The following LHCGR variants were observed in gnomAD, a reference collection of about 807,000 sequenced individuals.
The protein encoded by LHCGR is luteinizing hormone/choriogonadotropin receptor.
In LHCGR, 55 loss-of-function variants were observed where a neutral mutation model predicts 60.7. The ratio of observed to expected loss-of-function variants is 0.91; its 90% CI spans 0.73 to 1.13. The LOEUF (loss-of-function observed/expected upper bound fraction) is 1.13, where lower values mean the gene tolerates loss of function less well. Among genes scored for constraint, LHCGR ranks in the 50% most tolerant of loss-of-function variants. The pLI is 0.00. For synonymous variants in LHCGR, 337 were observed against 316.5 expected (o/e 1.06, Z -0.69); for missense variants, 862 against 836.0 (o/e 1.03, Z -0.38).
chr2:48,748,948 C>T (rs537512404), intron 1 of LHCGR, among the ~76,000 whole-genome samples: 1 of 152,166 alleles, frequency 6.6e-6, no homozygotes, highest in African/African-American at 2.4e-5. Context: ...GCATTGGACC[C>T]TACCCTGTCA....
intron 6 of LHCGR, among the ~76,000 whole-genome samples, chr2:48,716,426 T>C (rs1668253867): frequency 6.6e-6 from 1 of 152,220 alleles, no homozygotes; most frequent in Admixed American, 6.5e-5. Context: ...TACAGGAGGA[T>C]ATGTTTCTCT....
At chr2:48,699,014 C>T (rs1178339641) in intron 8 of LHCGR, among the ~76,000 whole-genome samples, 3 of 151,928 alleles carry the variant, frequency 2.0e-5, no homozygotes, top group Non-Finnish European at 2.9e-5. Context: ...GCTAAGAGAC[C>T]GGGGTTTCAC....
At position 48,687,497 on chromosome 2, in the gene LHCGR, T is replaced by C. The variant is rs1430745313; in HGVS notation, c.*200A>G. ...TAAACACTCTCAACTTCAGTATTTA[T>C]GCCATGTAACAATGACAAATAGTTT... On this transcript the variant is annotated 3_prime_UTR_variant, in exon 11 of 11. Transcript: ENST00000294954. 6 of 515,580 alleles carry C rather than the reference T, an allele frequency of 1.2e-5. No individual in the cohort carries two copies. Among genetic ancestry groups the C allele is most frequent in the Non-Finnish European group, 3.4e-6 (1 of 292,276 alleles). 31.9% of individuals were successfully genotyped at this position (515,580 alleles called of 1,614,324 possible).
chr2:48,707,278 G>C (rs1291035380), intron 8 of LHCGR, among the ~76,000 whole-genome samples: 1 of 152,232 alleles, frequency 6.6e-6, no homozygotes. Flanking sequence ...CTTTGTTCCA[G>C]AGGGGCACCT....
chr2:48,707,654 C>T (rs1012874864), intron 8 of LHCGR, among the ~76,000 whole-genome samples: 3 of 152,258 alleles, frequency 2.0e-5, no homozygotes, highest in Non-Finnish European at 2.9e-5. Flanking sequence ...CCGCCCAGTT[C>T]GAACTTCCTG....
At chr2:48,742,441 A>G (rs1669501342) in intron 1 of LHCGR, among the ~76,000 whole-genome samples, 1 of 151,130 alleles carries the variant, frequency 6.6e-6, no homozygotes, top group South Asian at 2.1e-4. Flanking sequence ...CATACTTGGA[A>G]GTAAAGCTCT....
intron 4 of LHCGR, among the ~76,000 whole-genome samples, chr2:48,725,127 A>G (rs772070006): frequency 2.6e-5 from 4 of 152,194 alleles, no homozygotes; most frequent in Non-Finnish European, 5.9e-5. Context: ...GTGGTACTCA[A>G]TTTCTAATGC....
chr2:48,741,953 C>T lies in LHCGR; in HGVS notation c.162-10655G>A, dbSNP rs188646226. ...TGCTGTATTCAGGAAACCCATGTCA[C>T]GTGCAGAGACACACATAGGTTCAAA... On this transcript the variant is annotated intron_variant, in intron 1 of 10. Coordinates refer to ENST00000294954, the MANE Select transcript of LHCGR (RefSeq NM_000233.4). Among the ~76,000 whole-genome samples the T allele has an allele frequency of 3.3e-3, 501 of 152,152 alleles. 3 individuals are homozygous for T. The highest frequency in any genetic ancestry group is 0.011 in the African/African-American group (459 of 41,512).
intron 3 of LHCGR, 72 bp downstream of exon 3, chr2:48,729,081 A>G (rs1668869702): frequency 4.3e-6 from 5 of 1,172,850 alleles, no homozygotes; most frequent in South Asian, 3.7e-5. Flanking sequence ...GCTTGAATAC[A>G]AATACCAAGT....
intron 4 of LHCGR, among the ~76,000 whole-genome samples, 161 bp downstream of exon 4, chr2:48,725,515 C>G (rs1184823897): frequency 6.6e-6 from 1 of 152,106 alleles, no homozygotes; most frequent in African/African-American, 2.4e-5. Context: ...CGGTGGCTGA[C>G]AAGAAATGAC....
chr2:48,702,112 G>A (rs747586160), intron 8 of LHCGR, among the ~76,000 whole-genome samples: 1 of 152,144 alleles, frequency 6.6e-6, no homozygotes, highest in Non-Finnish European at 1.5e-5. Flanking sequence ...GTCGCCGTGT[G>A]TGAGAGCAGC....
chr2:48,706,159 A>G (rs912350431), intron 8 of LHCGR, among the ~76,000 whole-genome samples: 2 of 152,152 alleles, frequency 1.3e-5, no homozygotes, highest in African/African-American at 4.8e-5. Context: ...AAGAAGCTTA[A>G]TTTGGCTGGA....
At chr2:48,712,515 T>C (rs1311274225) in intron 7 of LHCGR, among the ~76,000 whole-genome samples, 3 of 152,160 alleles carry the variant, frequency 2.0e-5, no homozygotes, top group Non-Finnish European at 4.4e-5. Context: ...GGGTTTTTGT[T>C]AATGAACCTT....
At chr2:48,736,698 T>G (rs1343024065) in intron 1 of LHCGR, among the ~76,000 whole-genome samples, 3 of 152,150 alleles carry the variant, frequency 2.0e-5, no homozygotes, top group Admixed American at 1.3e-4. Context: ...TGTCCCCCTT[T>G]AAGAAAATAG....
intron 3 of LHCGR, among the ~76,000 whole-genome samples, chr2:48,727,187 G>C (rs1447469506): frequency 1.3e-5 from 2 of 151,984 alleles, no homozygotes; most frequent in Non-Finnish European, 2.9e-5. Context: ...CATCTACTTG[G>C]CAAGGAGGTG....
intron 3 of LHCGR, among the ~76,000 whole-genome samples, chr2:48,727,993 C>A (rs907530149): frequency 2.6e-4 from 39 of 152,162 alleles, no homozygotes; most frequent in African/African-American, 8.4e-4. Context: ...CTAAAGCAAG[C>A]TTGTCCAACC....
chr2:48,740,306 G>A (rs903931341), intron 1 of LHCGR, among the ~76,000 whole-genome samples: 3 of 152,232 alleles, frequency 2.0e-5, no homozygotes, highest in Admixed American at 6.5e-5. Context: ...GGTAAACAAA[G>A]CAGCCAGGAA....
At chr2:48,721,870 GC>G (rs1668512179) in intron 6 of LHCGR, 1 of 448,084 alleles carries the variant, frequency 2.2e-6, no homozygotes, top group Non-Finnish European at 4.6e-6. Context: ...AAGAAATGAG[GC>G]CGGGGGGTGG....
intron 10 of LHCGR, 51 bp downstream of exon 10, chr2:48,694,173 G>A: frequency 1.9e-6 from 2 of 1,040,626 alleles, no homozygotes; most frequent in Non-Finnish European, 3.0e-6. Flanking sequence ...ATAATAAGGT[G>A]CACACAGAAC....
Sources: gnomAD v4.1 joint callset for allele counts (sites outside exome capture counted in the v4.1 genomes callset) on GRCh38, gnomAD v4.1.1 for gene constraint, MANE v1.5 for transcripts, NCBI Gene and HGNC (gene_info 2026-07-23, HGNC 2026-07-21) for gene names.